Variants in FOXP1 observed in about 807,000 individuals in gnomAD.
FOXP1 encodes the protein forkhead box protein P1.
In FOXP1, 15 loss-of-function variants were observed where a neutral mutation model predicts 98.2. The observed-to-expected ratio is 0.15, with a 90% CI of 0.10 to 0.24. The LOEUF (loss-of-function observed/expected upper bound fraction) is 0.24, where lower values mean the gene tolerates loss of function less well. Among genes scored for constraint, FOXP1 ranks in the 10% least tolerant of loss-of-function variants. The pLI is 1.00. For missense variants in FOXP1, 633 were observed against 848.5 expected, an observed-to-expected ratio of 0.75 and a Z score of 3.15; for synonymous variants, 371 against 314.5, an observed-to-expected ratio of 1.18 and a Z score of -1.90.
chr3:71,364,725 C>T (rs2078801196), intron 3 of FOXP1, among the ~76,000 whole-genome samples: 1 of 152,084 alleles, frequency 6.6e-6, no homozygotes, highest in African/African-American at 2.4e-5. Flanking sequence ...CATCAGATAC[C>T]TCCCTAGAGG....
intron 3 of FOXP1, among the ~76,000 whole-genome samples, chr3:71,438,395 T>TA (rs1312340532): frequency 6.6e-6 from 1 of 152,200 alleles, no homozygotes; most frequent in African/African-American, 2.4e-5. Context: ...TCCACTTCTT[T>TA]ATCCACCTTT....
At position 71,434,904 on chromosome 3, in the gene FOXP1, G is replaced by A. The variant is rs145899457; in HGVS notation, c.-168+58522C>T. 6.7e-3 allele frequency among the ~76,000 whole-genome samples: 1,012 copies of A among 151,906 alleles called. 15 individuals carry two copies. The highest frequency in any genetic ancestry group is 0.023 in the African/African-American group (968 of 41,430). On this transcript the variant is annotated intron_variant, in intron 3 of 20. Transcript: ENST00000649528. Reference sequence around the variant, plus strand: ...TCAGCTTCACCAAGGAGTCCTGACCGCCAAACAGTTTAAAGCGCTTGGCTA... The same window carrying A: ...TCAGCTTCACCAAGGAGTCCTGACCACCAAACAGTTTAAAGCGCTTGGCTA...
Position 71,198,275 on chromosome 3 carries a change from C to T in FOXP1, c.107G>A (p.Arg36Gln), listed in dbSNP as rs200643313. 131 of 1,614,174 alleles carry T rather than the reference C, an allele frequency of 8.1e-5. No individual in the cohort carries two copies. Among genetic ancestry groups the T allele is most frequent in the Non-Finnish European group, 1.1e-4 (124 of 1,180,040 alleles). The change falls in exon 6 of 21, where the codon CGG (arginine) becomes CAG (glutamine). Residue 36 changes from arginine to glutamine, a missense_variant. Coordinates refer to ENST00000649528, the MANE Select transcript of FOXP1 (RefSeq NM_001349338.3). ...LLECGGLREG[R>Q]SNGETPAVDI... ...CACGGCCGGCGTCTCTCCGTTGGAC[C>T]GCCCCTCCCGAAGACCGCCGCACTC...
intron 4 of FOXP1, among the ~76,000 whole-genome samples, chr3:71,310,259 T>A (rs956863138): frequency 6.6e-6 from 1 of 152,238 alleles, no homozygotes; most frequent in African/African-American, 2.4e-5. Context: ...TATTTACTTA[T>A]ATACTTATTT....
chr3:71,495,741 A>G (rs931077379), intron 2 of FOXP1, among the ~76,000 whole-genome samples: 1 of 152,190 alleles, frequency 6.6e-6, no homozygotes, highest in Admixed American at 6.5e-5. Context: ...TGGGAACTCT[A>G]TATTTTCCAG....
In FOXP1 at chr3:71,057,384, T is replaced by A. The variant is rs556025321; in HGVS notation, c.283-3611A>T. The stretch of plus-strand genomic sequence containing the variant: ...GAGATAACAACATTCATTTCTGATG[T>A]TTTCTGTGCTACAGGGTTCATGCCT... On this transcript the variant is annotated intron_variant, in intron 7 of 20. Coordinates refer to ENST00000649528, the MANE Select transcript of FOXP1 (RefSeq NM_001349338.3). Among the ~76,000 whole-genome samples the A allele has an allele frequency of 1.1e-3, 156 of 146,382 alleles. 1 individual carries two copies. The highest frequency in any genetic ancestry group is 3.5e-3 in the Middle Eastern group (1 of 286).
chr3:70,959,760 T>C (rs1187910485), intron 20 of FOXP1, among the ~76,000 whole-genome samples: 1 of 152,124 alleles, frequency 6.6e-6, no homozygotes, highest in Non-Finnish European at 1.5e-5. Context: ...GCATTTCTCA[T>C]ACTTTAACAC....
chr3:71,536,806 T>C lies in FOXP1; in HGVS notation c.-297-43251A>G, dbSNP rs923844233. On this transcript the variant is annotated intron_variant, in intron 2 of 20. Coordinates refer to ENST00000649528, the MANE Select transcript of FOXP1 (RefSeq NM_001349338.3). ...CCATGATGCAAATCCAACATGATGA[T>C]CGTTTGGTGTGGGTTCTCCCACCCC... Among the ~76,000 whole-genome samples, 33 of 152,124 alleles carry C rather than the reference T, an allele frequency of 2.2e-4. 1 individual carries two copies. The highest frequency in any genetic ancestry group is 6.5e-5 in the Admixed American group (1 of 15,286).
At chr3:70,975,165 A>G (rs1457552640) in intron 17 of FOXP1, among the ~76,000 whole-genome samples, 3 of 152,228 alleles carry the variant, frequency 2.0e-5, no homozygotes, top group African/African-American at 7.2e-5. Context: ...CTGAAGATCT[A>G]AGCTTAAATA....
chr3:71,488,416 G>A (rs564873740), intron 3 of FOXP1, among the ~76,000 whole-genome samples: 1 of 152,196 alleles, frequency 6.6e-6, no homozygotes, highest in Non-Finnish European at 1.5e-5. Context: ...GGGAACTGGG[G>A]TGGGGGTGTG....
Position 71,374,591 on chromosome 3 carries a change from T to C in FOXP1, c.-167-15347A>G, listed in dbSNP as rs2079577058. The stretch of plus-strand genomic sequence containing the variant: ...CTAGGTAACACAGCAAGAGACTCTG[T>C]CTCAAAAAAAAAAATAAAAATAAAA... On this transcript the variant is annotated intron_variant, in intron 3 of 20. Transcript: ENST00000649528. Among the ~76,000 whole-genome samples, 5 of 111,466 alleles carry C rather than the reference T, an allele frequency of 4.5e-5. No individual in the cohort carries two copies. The Admixed American group carries it at 4.5e-4, about 10-fold the overall frequency. 73.1% of individuals were successfully genotyped at this position (111,466 alleles called of 152,430 possible).
intron 5 of FOXP1, among the ~76,000 whole-genome samples, chr3:71,281,456 T>C (rs2071558249): frequency 6.6e-6 from 1 of 152,134 alleles, no homozygotes; most frequent in Admixed American, 6.5e-5. Context: ...TTCATGTTCT[T>C]CCAAACAGAC....
intron 6 of FOXP1, among the ~76,000 whole-genome samples, chr3:71,148,099 A>G (rs546978115): frequency 6.6e-6 from 1 of 152,378 alleles, no homozygotes; most frequent in South Asian, 2.1e-4. Flanking sequence ...AATGTCGGCC[A>G]GGCACGGTGG....
intron 3 of FOXP1, among the ~76,000 whole-genome samples, chr3:71,410,661 T>A (rs1007439098): frequency 5.3e-5 from 8 of 152,210 alleles, no homozygotes; most frequent in Non-Finnish European, 7.3e-5. Context: ...TACATTTTTT[T>A]AAAATTTCCC....
intron 3 of FOXP1, among the ~76,000 whole-genome samples, chr3:71,461,967 C>T (rs2088172562): frequency 6.6e-6 from 1 of 152,154 alleles, no homozygotes; most frequent in Non-Finnish European, 1.5e-5. Context: ...AGAACTGACA[C>T]TCCCTTTAGG....
intron 5 of FOXP1, among the ~76,000 whole-genome samples, chr3:71,223,292 A>G (rs1192831366): frequency 1.3e-5 from 2 of 149,924 alleles, no homozygotes; most frequent in South Asian, 2.2e-4. Flanking sequence ...TTACTCTTTC[A>G]TACCTACATT....
chr3:71,249,466 GTTA>G (rs2068018070), intron 5 of FOXP1, among the ~76,000 whole-genome samples: 1 of 152,214 alleles, frequency 6.6e-6, no homozygotes. Context: ...AATGCAGGCT[GTTA>G]TTATTTCCAT....
At chr3:71,048,811 G>C in intron 9 of FOXP1, among the ~76,000 whole-genome samples, 1 of 147,872 alleles carries the variant, frequency 6.8e-6, no homozygotes, top group African/African-American at 2.5e-5. Flanking sequence ...TAATGGGGGG[G>C]GTACAGCTGG....
At chr3:70,979,425 G>A (rs1575821832) in intron 14 of FOXP1, among the ~76,000 whole-genome samples, 1 of 147,702 alleles carries the variant, frequency 6.8e-6, no homozygotes, top group Non-Finnish European at 1.5e-5. Flanking sequence ...CCCAAAATTT[G>A]TTGCAACAGA....
Sources: gnomAD v4.1 joint callset for allele counts (sites outside exome capture counted in the v4.1 genomes callset) on GRCh38, gnomAD v4.1.1 for gene constraint, MANE v1.5 for transcripts, NCBI Gene and HGNC (gene_info 2026-07-23, HGNC 2026-07-21) for gene names.